The following GLYR1 variants were observed in gnomAD, a reference collection of about 807,000 sequenced individuals.
The protein encoded by GLYR1 is glyoxylate reductase 1 homolog, also known as cytokine-like nuclear factor N-PAC.
Under a neutral mutation model 72.7 loss-of-function variants are expected in GLYR1, and 21 were observed. The ratio of observed to expected loss-of-function variants is 0.29; its 90% CI spans 0.20 to 0.42. The LOEUF (loss-of-function observed/expected upper bound fraction) is 0.42, where lower values mean the gene tolerates loss of function less well. GLYR1 is among the 10% of genes least tolerant of loss of function. The probability of loss-of-function intolerance (pLI) is 1.00; values close to 1 mark genes in which losing one functional copy is unlikely to be tolerated. For synonymous variants in GLYR1, 392 were observed against 270.2 expected, an observed-to-expected ratio of 1.45 and a Z score of -4.42; for missense variants, 594 against 712.1, an observed-to-expected ratio of 0.83 and a Z score of 1.89.
chr16:4,818,299 TTTAC>T (rs1366544450), intron 9 of GLYR1, among the ~76,000 whole-genome samples: 1 of 150,992 alleles, frequency 6.6e-6, no homozygotes, highest in East Asian at 2.0e-4. Flanking sequence ...GGCCTCACAC[TTTAC>T]TTATTTTTTG....
At chr16:4,818,055 C>T (rs1480393548) in intron 9 of GLYR1, 11 of 181,942 alleles carry the variant, frequency 6.0e-5, no homozygotes, top group Non-Finnish European at 1.0e-4. Flanking sequence ...AGTGCAATGG[C>T]GCGAGCTCAG....
chr16:4,821,817 G>T (rs562295558), intron 7 of GLYR1, among the ~76,000 whole-genome samples: 1 of 152,228 alleles, frequency 6.6e-6, no homozygotes, highest in Non-Finnish European at 1.5e-5. Flanking sequence ...ATGGTGTTGA[G>T]AATAAGAGTC....
At position 4,806,195 on chromosome 16, in the gene GLYR1, C is replaced by T. The variant is rs146043546; in HGVS notation, c.1588-885G>A. Among the ~76,000 whole-genome samples the T allele has an allele frequency of 3.3e-3, 496 of 152,216 alleles. 3 individuals carry two copies. Among genetic ancestry groups the T allele is most frequent in the African/African-American group, 0.011 (476 of 41,530 alleles). On this transcript the variant is annotated intron_variant, in intron 15 of 15. Transcript: ENST00000321919. The stretch of plus-strand genomic sequence containing the variant: ...CACTGGCGTCTGGTGGGTGGGCTAC[C>T]CAACATCCTGCAGTGCTTGGATAGC...
At chr16:4,815,999 G>C (rs1000631506) in intron 10 of GLYR1, among the ~76,000 whole-genome samples, 1 of 151,936 alleles carries the variant, frequency 6.6e-6, no homozygotes, top group Non-Finnish European at 1.5e-5. Flanking sequence ...TCGATCTCCT[G>C]ACCTCGTTAT....
intron 3 of GLYR1, chr16:4,840,213 C>T (rs2085450211): frequency 6.6e-6 from 1 of 152,598 alleles, no homozygotes; most frequent in Non-Finnish European, 1.5e-5. Context: ...CTTGCAGTGC[C>T]CATCGCCAAA....
intron 3 of GLYR1, among the ~76,000 whole-genome samples, chr16:4,842,014 G>A (rs2085590383): frequency 6.6e-6 from 1 of 152,040 alleles, no homozygotes; most frequent in Non-Finnish European, 1.5e-5. Context: ...GGCCGAGGCG[G>A]GCAGATCACG....
chr16:4,822,452 G>A (rs1023200864), intron 7 of GLYR1, among the ~76,000 whole-genome samples: 3 of 150,986 alleles, frequency 2.0e-5, no homozygotes, highest in Non-Finnish European at 2.9e-5. Flanking sequence ...GTGCAGCGAC[G>A]CAATCTTGGC....
At chr16:4,811,351 T>C (rs2141952885) in intron 14 of GLYR1, 57 bp from the exon 15 acceptor site, 11 of 1,605,342 alleles carry the variant, frequency 6.9e-6, no homozygotes, top group Non-Finnish European at 9.3e-6. Context: ...TAAAAACTAC[T>C]TACGGTCCAC....
chr16:4,822,946 C>T lies in GLYR1; in HGVS notation c.625-15G>A, dbSNP rs2084134289. 6.2e-7 allele frequency: 1 copy of T among 1,613,066 alleles called. No individual in the cohort carries two copies. Among genetic ancestry groups the T allele is most frequent in the Non-Finnish European group, 8.5e-7 (1 of 1,179,092 alleles). ...TCTTTAACAGGCTGAAACCAGAAAA[C>T]AGTGAAATAAAACCAGTTATCTGCC... is the stretch of plus-strand genomic sequence containing the variant. On this transcript the variant is annotated splice_polypyrimidine_tract_variant and intron_variant, in intron 6 of 15. Transcript: ENST00000321919.
At position 4,817,586 on chromosome 16, in the gene GLYR1, CT is replaced by C; in HGVS notation, c.906+11del. On this transcript the variant is annotated intron_variant, in intron 10 of 15. Coordinates refer to ENST00000321919, the MANE Select transcript of GLYR1 (RefSeq NM_032569.4). The stretch of plus-strand genomic sequence containing the variant: ...TCCACCGATCCAACAGGCACCACCC[CT>C]GAATGCTTACTTTCTCTGCAGTGCG... 6.4e-7 allele frequency: 1 copy of C among 1,566,494 alleles called. No individual in the cohort carries two copies. Among genetic ancestry groups the C allele is most frequent in the South Asian group, 1.1e-5 (1 of 90,132 alleles).
In GLYR1 at chr16:4,847,243, A is replaced by G; in HGVS notation, c.23T>C (p.Leu8Pro). The change falls in exon 1 of 16, where the codon CTC (leucine) becomes CCC (proline). Residue 8 changes from leucine (L) to proline (P), a missense_variant. Physicochemically the swap from Leu to Pro is moderately conservative, Grantham distance 98. Coordinates refer to ENST00000321919, the MANE Select transcript of GLYR1 (RefSeq NM_032569.4). Reference sequence around the variant, plus strand: ...TCGGACTCACCACACCAAGTCGCCGAGCCGCAGACTCACAGCCGCCATCTT... The same window carrying G: ...TCGGACTCACCACACCAAGTCGCCGGGCCGCAGACTCACAGCCGCCATCTT... MAAVSLR[L>P]GDLVWGKLGR... The G allele has an allele frequency of 6.2e-7, 1 of 1,609,384 alleles. No individual in the cohort carries two copies. Among genetic ancestry groups the G allele is most frequent in the Non-Finnish European group, 8.5e-7 (1 of 1,178,806 alleles).
At chr16:4,844,725 C>G (rs1567832071) in intron 3 of GLYR1, among the ~76,000 whole-genome samples, 1 of 152,230 alleles carries the variant, frequency 6.6e-6, no homozygotes, top group Non-Finnish European at 1.5e-5. Flanking sequence ...TGCCTCTGCA[C>G]TCCAGGCTGG....
chr16:4,843,620 G>T lies in GLYR1; in HGVS notation c.155+1454C>A, dbSNP rs750447307. ...GGGTCTATCTGTAAACATGAAACCA[G>T]GAAGAGCATCTGACATATAAACTCC... is the stretch of plus-strand genomic sequence containing the variant. On this transcript the variant is annotated intron_variant, in intron 3 of 15. Transcript: ENST00000321919. The T allele has an allele frequency of 7.0e-6, 9 of 1,289,104 alleles. No homozygotes were observed. In the South Asian group the frequency reaches 1.1e-4, roughly 16 times the overall value. 79.9% of individuals were successfully genotyped at this position (1,289,104 alleles called of 1,614,324 possible). A position where few individuals can be genotyped will look rare whatever the true frequency, so the allele number is the denominator to read the frequency against.
At chr16:4,818,689 CCT>C (rs555242378) in intron 9 of GLYR1, among the ~76,000 whole-genome samples, 2 of 152,140 alleles carry the variant, frequency 1.3e-5, no homozygotes, top group East Asian at 1.9e-4. Context: ...GCAATTTTCA[CCT>C]CTCTTTCCCA....
intron 7 of GLYR1, among the ~76,000 whole-genome samples, chr16:4,822,156 G>A (rs542684264): frequency 6.6e-6 from 1 of 152,232 alleles, no homozygotes. Flanking sequence ...GCACCATCTC[G>A]GCTTGCTGCA....
intron 15 of GLYR1, among the ~76,000 whole-genome samples, chr16:4,807,128 T>TTTA (rs1380005370): frequency 6.9e-6 from 1 of 145,858 alleles, no homozygotes; most frequent in Non-Finnish European, 1.5e-5. Context: ...TTTTTTTTTT[T>TTTA]TGAGACGGAG....
rs535571579 is a variant in GLYR1 at position 4,838,161 on chromosome 16, G to T, written c.156-5249C>A. Among the ~76,000 whole-genome samples, 4 of 152,146 alleles carry T rather than the reference G, an allele frequency of 2.6e-5. No homozygotes were observed. The South Asian group carries it at 8.3e-4, about 32-fold the overall frequency. On this transcript the variant is annotated intron_variant, in intron 3 of 15. Transcript: ENST00000321919. ...AAGTTCTTCAGAAATAAAGGCACCAGAAAAAAACACACACAAATCAGGTGC... is the reference window on the plus strand; with the variant it reads ...AAGTTCTTCAGAAATAAAGGCACCATAAAAAAACACACACAAATCAGGTGC...
intron 14 of GLYR1, 53 bp from the exon 15 acceptor site, chr16:4,811,347 C>T (rs1365745687): frequency 2.5e-6 from 4 of 1,607,546 alleles, no homozygotes; most frequent in Non-Finnish European, 3.4e-6. Flanking sequence ...AAACTAAAAA[C>T]TACTTACGGT....
chr16:4,838,011 G>A (rs1417015636), intron 3 of GLYR1, among the ~76,000 whole-genome samples: 3 of 151,606 alleles, frequency 2.0e-5, no homozygotes, highest in African/African-American at 7.3e-5. Flanking sequence ...ACAAAGATGG[G>A]GCCAGAAGGT....
Sources: gnomAD v4.1 joint callset for allele counts (sites outside exome capture counted in the v4.1 genomes callset) on GRCh38, gnomAD v4.1.1 for gene constraint, MANE v1.5 for transcripts, NCBI Gene and HGNC (gene_info 2026-07-23, HGNC 2026-07-21) for gene names.